Variants in SMARCC1 observed in about 807,000 individuals in gnomAD.
SMARCC1 encodes the protein SWI/SNF complex subunit SMARCC1.
SMARCC1 carries 43 observed loss-of-function variants against 147.4 expected under a neutral mutation model. The observed-to-expected ratio is 0.29, with a 90% CI of 0.23 to 0.38. The LOEUF (loss-of-function observed/expected upper bound fraction) is 0.38. Among genes scored for constraint, SMARCC1 ranks in the 10% least tolerant of loss-of-function variants. The pLI is 1.00. For synonymous variants in SMARCC1, 495 were observed against 484.4 expected (o/e 1.02, Z -0.29); for missense variants, 1,119 against 1,381.1 (o/e 0.81, Z 3.01).
At chr3:47,650,296 ATAAT>A (rs1229922831) in intron 21 of SMARCC1, among the ~76,000 whole-genome samples, 1 of 142,312 alleles carries the variant, frequency 7.0e-6, no homozygotes, top group Admixed American at 7.1e-5. Flanking sequence ...AATAATAATA[ATAAT>A]TATTATTATT....
At chr3:47,654,087 T>C (rs749779591) in intron 21 of SMARCC1, among the ~76,000 whole-genome samples, 3 of 152,240 alleles carry the variant, frequency 2.0e-5, no homozygotes, top group Non-Finnish European at 2.9e-5. Context: ...TAATGCTCTA[T>C]GGTATCGTCT....
At chr3:47,633,779 TAC>T (rs149363143) in intron 24 of SMARCC1, among the ~76,000 whole-genome samples, 622 of 28,850 alleles carry the variant, frequency 0.022, 40 homozygotes, top group South Asian at 0.035. Context: ...TATATATATA[TAC>T]ACACACACAC....
intron 26 of SMARCC1, among the ~76,000 whole-genome samples, chr3:47,601,107 A>G (rs888870730): frequency 1.3e-5 from 2 of 150,658 alleles, no homozygotes; most frequent in Admixed American, 6.6e-5. Flanking sequence ...ACCTACATAC[A>G]AGCTTTTTTT....
intron 25 of SMARCC1, among the ~76,000 whole-genome samples, chr3:47,621,831 A>G (rs145745723): frequency 6.6e-4 from 101 of 152,084 alleles, no homozygotes; most frequent in Non-Finnish European, 1.2e-3. Context: ...AAAAAAAAAA[A>G]AAAGAAAGAA....
intron 18 of SMARCC1, among the ~76,000 whole-genome samples, chr3:47,673,702 C>A (rs1330771902): frequency 1.3e-5 from 2 of 152,098 alleles, no homozygotes; most frequent in African/African-American, 4.8e-5. Context: ...ACAAAAAATT[C>A]TTTTGTATTT....
At chr3:47,659,733 G>A (rs1320171625) in intron 21 of SMARCC1, among the ~76,000 whole-genome samples, 1 of 100,994 alleles carries the variant, frequency 9.9e-6, no homozygotes, top group African/African-American at 4.0e-5. Context: ...ACTGCTCTAA[G>A]ACATAAAGTC....
chr3:47,688,631 G>A (rs975992952), intron 13 of SMARCC1, among the ~76,000 whole-genome samples: 3 of 152,084 alleles, frequency 2.0e-5, no homozygotes, highest in Non-Finnish European at 4.4e-5. Flanking sequence ...TTGAGGTATC[G>A]CTACAGCAGA....
rs1363461361 is a variant in SMARCC1, at chr3:47,686,121, C to T, written c.1313G>A (p.Gly438Glu). Residue 438 changes from glycine to glutamate, a missense_variant, in exon 14 of 28, where the codon GGG (glycine) becomes GAG (glutamate). This residue lies in a region of SMARCC1 where 542 missense variants were observed against 611.8 expected (regional missense o/e 0.89). Transcript: ENST00000254480. ...GGTCTGCTCTGTCACATTATCTTCC[C>T]CAAGGTCAACTGATCGACTCTGATC... ...KGDQSRSVDL[G>E]EDNVTEQTNH... is the part of the protein sequence containing the mutation. The T allele has an allele frequency of 6.2e-7, 1 of 1,611,842 alleles. No homozygotes were observed. Among genetic ancestry groups the T allele is most frequent in the Non-Finnish European group, 8.5e-7 (1 of 1,178,112 alleles).
At position 47,591,799 on chromosome 3, in the gene SMARCC1, C is replaced by T. The variant is rs547083586; in HGVS notation, c.3044-962G>A. Among the ~76,000 whole-genome samples the T allele has an allele frequency of 2.1e-4, 32 of 152,274 alleles. 1 individual carries two copies. The South Asian group carries it at 6.2e-3, about 30-fold the overall frequency. Reference sequence around the variant, plus strand: ...AGCTCAGGCAGTAAGACTGCCTCAGCCTCCCAAAGTGCTGGGATTACAGGC... The same window carrying T: ...AGCTCAGGCAGTAAGACTGCCTCAGTCTCCCAAAGTGCTGGGATTACAGGC... On this transcript the variant is annotated intron_variant, in intron 26 of 27. Coordinates refer to ENST00000254480, the MANE Select transcript of SMARCC1 (RefSeq NM_003074.4).
chr3:47,610,197 T>A lies in SMARCC1; in HGVS notation c.2912A>T (p.His971Leu). The A allele has an allele frequency of 6.2e-7, 1 of 1,614,214 alleles. No homozygotes were observed. Among genetic ancestry groups the A allele is most frequent in the Non-Finnish European group, 8.5e-7 (1 of 1,180,040 alleles). ...CAGGCCAGGTCCTCCTGAGTGCTGG[T>A]GTGCCTGTTGAGGGTTCTGGCCATG... ...QQHGQNPQQAHQHSGGPGLAP... is the reference protein window; with the variant it reads ...QQHGQNPQQALQHSGGPGLAP... The change falls in exon 26 of 28, where the codon CAC becomes CTC. Residue 971 changes from histidine to leucine, a missense_variant. By Grantham distance (99) the His-to-Leu change is moderately conservative. Transcript: ENST00000254480.
At chr3:47,687,223 G>A (rs1576411627) in intron 13 of SMARCC1, among the ~76,000 whole-genome samples, 1 of 152,244 alleles carries the variant, frequency 6.6e-6, no homozygotes, top group East Asian at 1.9e-4. Flanking sequence ...ATACAAATGT[G>A]ATACTAACGA....
chr3:47,588,348 C>T lies in SMARCC1; in HGVS notation c.3221-42G>A, dbSNP rs780660330. 1.3e-5 allele frequency: 21 copies of T among 1,567,500 alleles called. No homozygotes were observed. In the East Asian group the frequency reaches 4.5e-4, roughly 34 times the overall value. ...GAGTAACTCGTTATTGCTGGAAATACAAGAGACTCAGGAAAGAGCCTATTC... is the reference window on the plus strand; with the variant it reads ...GAGTAACTCGTTATTGCTGGAAATATAAGAGACTCAGGAAAGAGCCTATTC... On this transcript the variant is annotated intron_variant, in intron 27 of 27. Coordinates refer to ENST00000254480, the MANE Select transcript of SMARCC1 (RefSeq NM_003074.4).
At chr3:47,682,169 C>T (rs1414698318) in intron 14 of SMARCC1, among the ~76,000 whole-genome samples, 1 of 151,718 alleles carries the variant, frequency 6.6e-6, no homozygotes, top group Non-Finnish European at 1.5e-5. Flanking sequence ...GTGTTGGGTG[C>T]CTGTAGTCCC....
chr3:47,645,492 G>T (rs2033107283), intron 21 of SMARCC1, among the ~76,000 whole-genome samples: 3 of 152,098 alleles, frequency 2.0e-5, no homozygotes, highest in African/African-American at 7.2e-5. Context: ...GTACAGCAGG[G>T]TATCATTGTG....
At chr3:47,600,404 G>A (rs149812585) in intron 26 of SMARCC1, among the ~76,000 whole-genome samples, 64 of 152,334 alleles carry the variant, frequency 4.2e-4, no homozygotes, top group Middle Eastern at 3.4e-3. Flanking sequence ...AAGGAGGTAA[G>A]AATAAGGTTG....
intron 26 of SMARCC1, among the ~76,000 whole-genome samples, chr3:47,597,486 C>A (rs1486727031): frequency 2.6e-5 from 4 of 152,082 alleles, no homozygotes; most frequent in Non-Finnish European, 4.4e-5. Flanking sequence ...GCCACCACGC[C>A]CGGCTAATTT....
intron 2 of SMARCC1, 114 bp from the exon 3 acceptor site, chr3:47,746,107 C>G (rs2034561606): frequency 1.7e-6 from 1 of 601,976 alleles, no homozygotes; most frequent in African/African-American, 1.9e-5. Context: ...ATTAAACAAC[C>G]TCCTTAAACA....
intron 2 of SMARCC1, among the ~76,000 whole-genome samples, chr3:47,755,580 C>A (rs2034686604): frequency 6.6e-6 from 1 of 151,568 alleles, no homozygotes; most frequent in Non-Finnish European, 1.5e-5. Flanking sequence ...TAAAACAGGC[C>A]AGGCACGGTG....
At chr3:47,664,750 T>G (rs962364770) in intron 19 of SMARCC1, among the ~76,000 whole-genome samples, 1 of 152,186 alleles carries the variant, frequency 6.6e-6, no homozygotes, top group Admixed American at 6.5e-5. Flanking sequence ...CAGACATTTT[T>G]GGTTGACCCA....
Sources: gnomAD v4.1 joint callset for allele counts (sites outside exome capture counted in the v4.1 genomes callset) on GRCh38, gnomAD v4.1.1 for gene constraint, gnomAD v4.1.1 regional missense constraint, MANE v1.5 for transcripts, NCBI Gene and HGNC (gene_info 2026-07-23, HGNC 2026-07-21) for gene names.